MLLT3: variants seen among roughly 807,000 people sequenced by gnomAD.
The protein encoded by MLLT3 is protein AF-9.
In MLLT3, 4 loss-of-function variants were observed where a neutral mutation model predicts 53.2. The ratio of observed to expected loss-of-function variants is 0.08; its 90% CI spans 0.04 to 0.17. The LOEUF is 0.17. MLLT3 is among the 10% of genes least tolerant of loss of function. The pLI is 1.00. For missense variants in MLLT3, 569 were observed against 684.0 expected (o/e 0.83, Z 1.87); for synonymous variants, 283 against 230.6 (o/e 1.23, Z -2.06).
chr9:20,501,991 G>A (rs1475610658), intron 2 of MLLT3, among the ~76,000 whole-genome samples: 1 of 144,018 alleles, frequency 6.9e-6, no homozygotes, highest in Non-Finnish European at 1.5e-5. Flanking sequence ...TAAGGCAGGA[G>A]ATTCACTTGA....
chr9:20,597,197 T>C (rs188777036), intron 2 of MLLT3, among the ~76,000 whole-genome samples: 1 of 152,174 alleles, frequency 6.6e-6, no homozygotes, highest in East Asian at 1.9e-4. Context: ...CCTCAATTCA[T>C]AGGGATCATT....
intron 2 of MLLT3, among the ~76,000 whole-genome samples, chr9:20,596,688 C>G (rs993394393): frequency 6.6e-6 from 1 of 152,070 alleles, no homozygotes; most frequent in African/African-American, 2.4e-5. Flanking sequence ...AAGCAAGACT[C>G]CATCTCAAAA....
At chr9:20,587,048 T>C (rs1349086655) in intron 2 of MLLT3, among the ~76,000 whole-genome samples, 1 of 152,154 alleles carries the variant, frequency 6.6e-6, no homozygotes, top group African/African-American at 2.4e-5. Flanking sequence ...AATTATTTGA[T>C]AAAACCAAGT....
At chr9:20,431,696 A>C (rs983227685) in intron 4 of MLLT3, among the ~76,000 whole-genome samples, 26 of 152,272 alleles carry the variant, frequency 1.7e-4, no homozygotes, top group African/African-American at 5.1e-4. Context: ...ATGCACAAAA[A>C]GGTTCATAAT....
rs146925333 is a variant in MLLT3 at position 20,471,458 on chromosome 9, G to A, written c.194-14672C>T. Reference sequence around the variant, plus strand: ...ACCTTTTCCTATGAAAATCACACAAGAAACAAGTTTATAAAGATACCAGAT... The same window carrying A: ...ACCTTTTCCTATGAAAATCACACAAAAAACAAGTTTATAAAGATACCAGAT... On this transcript the variant is annotated intron_variant, in intron 2 of 10. Transcript: ENST00000380338. Among the ~76,000 whole-genome samples, 254 of 152,058 alleles carry A rather than the reference G, an allele frequency of 1.7e-3. 1 individual carries two copies. Among genetic ancestry groups the A allele is most frequent in the African/African-American group, 5.9e-3 (245 of 41,510 alleles).
chr9:20,465,817 A>G (rs1474757556), intron 2 of MLLT3, among the ~76,000 whole-genome samples: 1 of 152,060 alleles, frequency 6.6e-6, no homozygotes, highest in East Asian at 1.9e-4. Context: ...ATTGATTTAA[A>G]CTCCATTAAA....
intron 2 of MLLT3, among the ~76,000 whole-genome samples, chr9:20,614,497 G>T (rs1263147695): frequency 6.6e-6 from 1 of 152,070 alleles, no homozygotes; most frequent in East Asian, 1.9e-4. Context: ...CTTGTTGAAT[G>T]AATGAATGTT....
chr9:20,618,000 G>A (rs1820878704), intron 2 of MLLT3, among the ~76,000 whole-genome samples: 1 of 152,102 alleles, frequency 6.6e-6, no homozygotes, highest in Non-Finnish European at 1.5e-5. Flanking sequence ...CAAAACTAAG[G>A]ACTCTTTCAT....
At chr9:20,415,560 C>T in intron 4 of MLLT3, 1 of 344,318 alleles carries the variant, frequency 2.9e-6, no homozygotes, top group Non-Finnish European at 4.1e-6. Flanking sequence ...CCTAATGGAA[C>T]CAAAGACAAA....
In MLLT3 at chr9:20,537,947, C is replaced by T. The variant is rs542858910; in HGVS notation, c.194-81161G>A. On this transcript the variant is annotated intron_variant, in intron 2 of 10. Transcript: ENST00000380338. ...TACAAATCAGAAGACAAATGATAAA[C>T]TACATGGCAGACTTATAATATTCCT... Among the ~76,000 whole-genome samples, 4 of 152,198 alleles carry T rather than the reference C, an allele frequency of 2.6e-5. No individual in the cohort carries two copies. In the South Asian group the frequency reaches 6.2e-4, roughly 24 times the overall value.
chr9:20,393,632 A>G (rs1053843471), intron 5 of MLLT3, among the ~76,000 whole-genome samples: 3 of 152,218 alleles, frequency 2.0e-5, no homozygotes, highest in African/African-American at 7.2e-5. Flanking sequence ...AAATATGTGC[A>G]ATGCCTCTCT....
At chr9:20,424,436 T>C (rs1823092740) in intron 4 of MLLT3, among the ~76,000 whole-genome samples, 1 of 152,198 alleles carries the variant, frequency 6.6e-6, no homozygotes, top group African/African-American at 2.4e-5. Flanking sequence ...TCACATTAAA[T>C]GTTTTCAAAT....
At chr9:20,479,987 G>A (rs10964569) in intron 2 of MLLT3, among the ~76,000 whole-genome samples, 8 of 152,080 alleles carry the variant, frequency 5.3e-5, no homozygotes, top group Admixed American at 1.3e-4. Context: ...CCATGATGCC[G>A]AGTTATGCTT....
intron 2 of MLLT3, among the ~76,000 whole-genome samples, chr9:20,486,150 T>C (rs1173554343): frequency 3.3e-5 from 5 of 152,192 alleles, no homozygotes; most frequent in African/African-American, 1.2e-4. Flanking sequence ...CTTTTAGCAC[T>C]ATTCTATACT....
In MLLT3 at chr9:20,342,193, T is replaced by C. The variant is rs1176078697; in HGVS notation, c.*4250A>G. The C allele has an allele frequency of 4.6e-6, 1 of 218,176 alleles. No individual in the cohort carries two copies. Among genetic ancestry groups the C allele is most frequent in the African/African-American group, 2.2e-5 (1 of 44,570 alleles). The allele number at this position is 218,176 out of a possible 1,614,324, so 13.5% of individuals were successfully genotyped here. A position where few individuals can be genotyped will look rare whatever the true frequency, so the allele number is the denominator to read the frequency against. On this transcript the variant is annotated 3_prime_UTR_variant, in exon 11 of 11. Transcript: ENST00000380338. ...CTCAGCAAATCAGTACAATTATACA[T>C]TTTAAAAAAGGTGCTGAAACAGATT... is the stretch of plus-strand genomic sequence containing the variant.
chr9:20,430,399 T>C (rs1186701063), intron 4 of MLLT3, among the ~76,000 whole-genome samples: 43 of 152,136 alleles, frequency 2.8e-4, no homozygotes, highest in Admixed American at 2.8e-3. Flanking sequence ...AATTACAACA[T>C]TGTAGTATTG....
intron 6 of MLLT3, 115 bp from the exon 7 acceptor site, chr9:20,363,720 A>C: frequency 1.1e-6 from 1 of 943,210 alleles, no homozygotes; most frequent in Non-Finnish European, 1.5e-6. Flanking sequence ...TAATCATCAT[A>C]TATATTTATA....
chr9:20,606,927 G>A (rs1412068326), intron 2 of MLLT3, among the ~76,000 whole-genome samples: 1 of 152,076 alleles, frequency 6.6e-6, no homozygotes, highest in Non-Finnish European at 1.5e-5. Context: ...CAAAAATAAT[G>A]TCTTTCTACA....
chr9:20,485,406 T>G lies in MLLT3; in HGVS notation c.194-28620A>C, dbSNP rs543560080. On this transcript the variant is annotated intron_variant, in intron 2 of 10. Coordinates refer to ENST00000380338, the MANE Select transcript of MLLT3 (RefSeq NM_004529.4). ...ATTTCTTTTAATTGGTGAAAATCTC[T>G]TAGGGAACTATAAATTTCATACATT... is the stretch of plus-strand genomic sequence containing the variant. Among the ~76,000 whole-genome samples, 43 of 152,370 alleles carry G rather than the reference T, an allele frequency of 2.8e-4. 2 individuals are homozygous for G. The South Asian group carries it at 8.3e-3, about 29-fold the overall frequency.
Sources: allele counts gnomAD v4.1 joint callset (sites outside exome capture counted in the v4.1 genomes callset), GRCh38; gene constraint gnomAD v4.1.1; transcripts MANE v1.5; gene names NCBI Gene and HGNC (gene_info 2026-07-23, HGNC 2026-07-21).